The following DOK6 variants were observed in gnomAD, a reference collection of about 807,000 sequenced individuals.
DOK6 encodes the protein docking protein 6, also known as downstream of tyrosine kinase 6.
In DOK6, 22 loss-of-function variants were observed where a neutral mutation model predicts 44.0. The observed-to-expected ratio is 0.50, with a 90% CI of 0.36 to 0.71. DOK6 has a LOEUF of 0.71. Ranked by LOEUF, DOK6 falls within the 30% of genes least tolerant of loss-of-function variation. DOK6 has a pLI of 0.00. For synonymous variants in DOK6, 166 were observed against 145.5 expected, an observed-to-expected ratio of 1.14 and a Z score of -1.01; for missense variants, 340 against 416.4, an observed-to-expected ratio of 0.82 and a Z score of 1.60.
chr18:69,515,398 T>C (rs1981493138), intron 1 of DOK6, among the ~76,000 whole-genome samples: 1 of 152,244 alleles, frequency 6.6e-6, no homozygotes, highest in Admixed American at 6.5e-5. Flanking sequence ...TTTCCAATAT[T>C]CACTAGATAA....
At chr18:69,564,782 T>G (rs1262335771) in intron 2 of DOK6, among the ~76,000 whole-genome samples, 188 bp downstream of exon 2, 1 of 152,236 alleles carries the variant, frequency 6.6e-6, no homozygotes, top group Non-Finnish European at 1.5e-5. Flanking sequence ...GCTACCTCTG[T>G]GCAAAACCAA....
chr18:69,529,646 T>A (rs1191943522), intron 1 of DOK6, among the ~76,000 whole-genome samples: 3 of 152,194 alleles, frequency 2.0e-5, no homozygotes, highest in Admixed American at 1.3e-4. Context: ...CCTTTAAATC[T>A]TTGCTCAAGT....
intron 7 of DOK6, among the ~76,000 whole-genome samples, chr18:69,773,738 A>G (rs1163473838): frequency 6.6e-6 from 1 of 151,918 alleles, no homozygotes; most frequent in East Asian, 1.9e-4. Flanking sequence ...GTTATGCAAG[A>G]TGCACACATT....
At chr18:69,421,807 A>T (rs937095947) in intron 1 of DOK6, among the ~76,000 whole-genome samples, 1 of 152,080 alleles carries the variant, frequency 6.6e-6, no homozygotes, top group Non-Finnish European at 1.5e-5. Context: ...CATGGGAAAG[A>T]CACAGAAACT....
intron 1 of DOK6, among the ~76,000 whole-genome samples, chr18:69,445,501 A>C (rs1979259038): frequency 6.6e-6 from 1 of 152,194 alleles, no homozygotes; most frequent in South Asian, 2.1e-4. Context: ...ATCATGAAAC[A>C]GTTTGTTTGG....
chr18:69,776,807 T>C (rs1980080886), intron 7 of DOK6, among the ~76,000 whole-genome samples: 1 of 152,042 alleles, frequency 6.6e-6, no homozygotes, highest in Non-Finnish European at 1.5e-5. Flanking sequence ...TCAGTATTCA[T>C]CAAGAGGTAT....
At chr18:69,574,480 A>G (rs1239932663) in intron 2 of DOK6, among the ~76,000 whole-genome samples, 2 of 152,116 alleles carry the variant, frequency 1.3e-5, no homozygotes, top group East Asian at 3.8e-4. Context: ...TTTACCAAGG[A>G]CGTGACACTT....
intron 6 of DOK6, among the ~76,000 whole-genome samples, chr18:69,739,574 G>GCC (rs1282240061): frequency 4.6e-5 from 7 of 152,196 alleles, no homozygotes; most frequent in African/African-American, 1.7e-4. Flanking sequence ...AGGAGGTTAT[G>GCC]CTGGTTGACA....
intron 5 of DOK6, among the ~76,000 whole-genome samples, chr18:69,713,302 G>C (rs1359307085): frequency 6.6e-6 from 1 of 152,208 alleles, no homozygotes; most frequent in Non-Finnish European, 1.5e-5. Context: ...AGATTTAGAA[G>C]TATGCAGGTA....
intron 3 of DOK6, among the ~76,000 whole-genome samples, chr18:69,666,231 C>A (rs1434434755): frequency 6.6e-6 from 1 of 152,100 alleles, no homozygotes; most frequent in Non-Finnish European, 1.5e-5. Flanking sequence ...TTCTATCTTC[C>A]AACTCCTTTT....
chr18:69,669,419 C>T (rs11151525), intron 3 of DOK6, among the ~76,000 whole-genome samples: 52,226 of 150,550 alleles, frequency 0.35, 10,169 homozygotes, highest in East Asian at 0.71. Flanking sequence ...CATGCTGCTA[C>T]AAAGGACATC....
intron 1 of DOK6, among the ~76,000 whole-genome samples, chr18:69,539,725 G>A (rs60440176): frequency 6.6e-6 from 1 of 151,774 alleles, no homozygotes; most frequent in Non-Finnish European, 1.5e-5. Context: ...CTATAATACA[G>A]AACTTATGCA....
chr18:69,761,535 G>C (rs1979553618), intron 7 of DOK6, among the ~76,000 whole-genome samples: 1 of 152,134 alleles, frequency 6.6e-6, no homozygotes, highest in Admixed American at 6.5e-5. Flanking sequence ...CAAAATGGAT[G>C]ACTTCTGTTT....
intron 7 of DOK6, among the ~76,000 whole-genome samples, chr18:69,812,170 C>G (rs987406288): frequency 6.6e-6 from 1 of 152,004 alleles, no homozygotes; most frequent in African/African-American, 2.4e-5. Flanking sequence ...AGGGTGGAAT[C>G]TTAGCGTTGT....
At chr18:69,771,951 T>C (rs1979897846) in intron 7 of DOK6, among the ~76,000 whole-genome samples, 1 of 148,258 alleles carries the variant, frequency 6.7e-6, no homozygotes, top group Non-Finnish European at 1.5e-5. Flanking sequence ...TTTAAGGATA[T>C]GAAAGATTGG....
intron 5 of DOK6, among the ~76,000 whole-genome samples, chr18:69,729,015 C>CA (rs1978329026): frequency 6.6e-6 from 1 of 152,284 alleles, no homozygotes; most frequent in South Asian, 2.1e-4. Flanking sequence ...TCCATGGGGT[C>CA]AGCAGAGGGC....
intron 7 of DOK6, among the ~76,000 whole-genome samples, chr18:69,760,098 G>C (rs1485204363): frequency 6.6e-6 from 1 of 152,022 alleles, no homozygotes; most frequent in Non-Finnish European, 1.5e-5. Context: ...TGAATAAATA[G>C]ATAAAGTTGT....
intron 5 of DOK6, among the ~76,000 whole-genome samples, chr18:69,726,604 A>G (rs778252887): frequency 6.6e-6 from 1 of 151,748 alleles, no homozygotes; most frequent in Non-Finnish European, 1.5e-5. Flanking sequence ...GTGGCCTATA[A>G]ACAACAAATT....
intron 1 of DOK6, among the ~76,000 whole-genome samples, chr18:69,544,551 A>G (rs1982351895): frequency 6.6e-6 from 1 of 151,580 alleles, no homozygotes; most frequent in South Asian, 2.1e-4. Context: ...TTCCAAAATT[A>G]GCAGGAAGTG....
Sources: gnomAD v4.1 joint callset for allele counts (sites outside exome capture counted in the v4.1 genomes callset) on GRCh38, gnomAD v4.1.1 for gene constraint, MANE v1.5 for transcripts, NCBI Gene and HGNC (gene_info 2026-07-23, HGNC 2026-07-21) for gene names.